The following FOXP1 variants were observed in gnomAD, a reference collection of about 807,000 sequenced individuals.
FOXP1 encodes forkhead box P1.
FOXP1 carries 15 observed loss-of-function variants against 98.2 expected under a neutral mutation model. The observed-to-expected ratio is 0.15, with a 90% CI of 0.10 to 0.24. The LOEUF (loss-of-function observed/expected upper bound fraction) is 0.24. FOXP1 is among the 10% of genes least tolerant of loss of function. The probability of loss-of-function intolerance (pLI) is 1.00; values close to 1 mark genes in which losing one functional copy is unlikely to be tolerated. For synonymous variants in FOXP1, 371 were observed against 314.5 expected (o/e 1.18, Z -1.90); for missense variants, 633 against 848.5 (o/e 0.75, Z 3.15).
intron 7 of FOXP1, among the ~76,000 whole-genome samples, chr3:71,059,958 T>C (rs1272316689): frequency 6.6e-6 from 1 of 152,264 alleles, no homozygotes; most frequent in South Asian, 2.1e-4. Flanking sequence ...AGATAACTTG[T>C]GGATACAGTT....
chr3:70,999,183 G>A (rs557848421), intron 13 of FOXP1, among the ~76,000 whole-genome samples: 2 of 152,096 alleles, frequency 1.3e-5, no homozygotes, highest in East Asian at 1.9e-4. Flanking sequence ...TCTACCTCCC[G>A]GGTTCAAGCA....
chr3:71,562,560 C>G (rs892072943), intron 2 of FOXP1, among the ~76,000 whole-genome samples: 1 of 152,122 alleles, frequency 6.6e-6, no homozygotes, highest in African/African-American at 2.4e-5. Flanking sequence ...TGACCTTTCA[C>G]TGAGGGCTTA....
intron 3 of FOXP1, among the ~76,000 whole-genome samples, chr3:71,381,795 C>T (rs528256563): frequency 6.3e-4 from 96 of 152,178 alleles, no homozygotes; most frequent in Non-Finnish European, 1.1e-3. Flanking sequence ...CTAAGCACTC[C>T]TACCAACATA....
At position 71,256,312 on chromosome 3, in the gene FOXP1, G is replaced by C. The variant is rs750649455; in HGVS notation, c.-12+43508C>G. 1.9e-4 allele frequency among the ~76,000 whole-genome samples: 29 copies of C among 152,128 alleles called. 1 individual carries two copies. The highest frequency in any genetic ancestry group is 1.5e-4 in the Non-Finnish European group (10 of 68,012). Reference sequence around the variant, plus strand: ...ACTCCACTATTCCTGTAGAGCTCAGGGACAGCAGGGGTTTGTTGAATTTGG... The same window carrying C: ...ACTCCACTATTCCTGTAGAGCTCAGCGACAGCAGGGGTTTGTTGAATTTGG... On this transcript the variant is annotated intron_variant, in intron 5 of 20. Transcript: ENST00000649528.
chr3:71,026,429 C>G (rs907072393), intron 11 of FOXP1, among the ~76,000 whole-genome samples: 1 of 152,164 alleles, frequency 6.6e-6, no homozygotes, highest in Non-Finnish European at 1.5e-5. Context: ...AGTAGCAAGT[C>G]TCTGAAGACG....
rs117984603 is a variant in FOXP1 at position 71,152,283 on chromosome 3, G to A, written c.181-39646C>T. On this transcript the variant is annotated intron_variant, in intron 6 of 20. Coordinates refer to ENST00000649528, the MANE Select transcript of FOXP1 (RefSeq NM_001349338.3). ...CACCAACAGTTAGTGAGTTTGGAAG[G>A]GGATCCCAAGCCTCAGGTGGGACCA... Among the ~76,000 whole-genome samples the A allele has an allele frequency of 7.3e-4, 111 of 152,292 alleles. 1 individual carries two copies. In the East Asian group the frequency reaches 0.02, roughly 27 times the overall value.
At chr3:71,516,414 T>C (rs1416582601) in intron 2 of FOXP1, among the ~76,000 whole-genome samples, 1 of 152,234 alleles carries the variant, frequency 6.6e-6, no homozygotes, top group African/African-American at 2.4e-5. Flanking sequence ...TCTTGCATTA[T>C]TCTTGCAACT....
intron 2 of FOXP1, among the ~76,000 whole-genome samples, chr3:71,495,722 T>C (rs1039372655): frequency 7.9e-5 from 12 of 152,190 alleles, no homozygotes; most frequent in Non-Finnish European, 1.5e-4. Context: ...TCTATAAAGC[T>C]TGTGCCCATG....
intron 4 of FOXP1, among the ~76,000 whole-genome samples, chr3:71,328,530 G>C (rs143367828): frequency 1.3e-5 from 2 of 152,340 alleles, no homozygotes; most frequent in South Asian, 2.1e-4. Flanking sequence ...CACAATGTGT[G>C]ACTTTTCTGG....
intron 3 of FOXP1, among the ~76,000 whole-genome samples, chr3:71,412,782 C>T (rs1042396498): frequency 3.3e-5 from 5 of 152,120 alleles, no homozygotes; most frequent in Non-Finnish European, 5.9e-5. Flanking sequence ...CCCTGGGAAC[C>T]CAGGCACCAA....
intron 9 of FOXP1, among the ~76,000 whole-genome samples, chr3:71,050,320 C>T (rs571575427): frequency 1.3e-5 from 2 of 152,248 alleles, no homozygotes; most frequent in South Asian, 2.1e-4. Flanking sequence ...AGCATGCAGA[C>T]GTGCATTCCA....
At chr3:70,984,671 T>C (rs2039430491) in intron 14 of FOXP1, among the ~76,000 whole-genome samples, 2 of 152,130 alleles carry the variant, frequency 1.3e-5, no homozygotes, top group Admixed American at 1.3e-4. Flanking sequence ...CCTTGAGTCT[T>C]TGGTTTTGTT....
chr3:71,509,301 T>G (rs1047240083), intron 2 of FOXP1, among the ~76,000 whole-genome samples: 1 of 152,136 alleles, frequency 6.6e-6, no homozygotes, highest in Non-Finnish European at 1.5e-5. Flanking sequence ...AAGTCGAAGA[T>G]CAAGGTATCC....
intron 3 of FOXP1, among the ~76,000 whole-genome samples, chr3:71,432,208 C>T (rs1007531175): frequency 2.6e-5 from 4 of 152,244 alleles, no homozygotes; most frequent in Non-Finnish European, 5.9e-5. Context: ...CCACTGACGA[C>T]TGTGGTGTGC....
chr3:71,174,915 G>T (rs1879770), intron 6 of FOXP1, among the ~76,000 whole-genome samples: 2,009 of 137,022 alleles, frequency 0.015, 51 homozygotes, highest in African/African-American at 0.05. Flanking sequence ...GTACATAAAT[G>T]TTTTTTTTTT....
intron 4 of FOXP1, among the ~76,000 whole-genome samples, chr3:71,314,530 A>ATATATATATATATATATATATATAT (rs1553839965): frequency 7.0e-6 from 1 of 143,368 alleles, no homozygotes; most frequent in African/African-American, 2.5e-5. Context: ...CCGTCTAAAA[A>ATATATATATATATATATATATATAT]ATATATATAT....
chr3:71,247,642 A>C (rs1396376097), intron 5 of FOXP1, among the ~76,000 whole-genome samples: 1 of 152,196 alleles, frequency 6.6e-6, no homozygotes, highest in African/African-American at 2.4e-5. Context: ...ATGGTAGTGG[A>C]TATCTGTTGT....
At chr3:71,154,400 C>T (rs764564178) in intron 6 of FOXP1, among the ~76,000 whole-genome samples, 12 of 152,218 alleles carry the variant, frequency 7.9e-5, no homozygotes, top group Non-Finnish European at 1.5e-4. Flanking sequence ...TCAACGTATT[C>T]CTTAAGGAAA....
At chr3:71,158,886 C>G (rs1045549202) in intron 6 of FOXP1, among the ~76,000 whole-genome samples, 1 of 151,988 alleles carries the variant, frequency 6.6e-6, no homozygotes, top group Non-Finnish European at 1.5e-5. Flanking sequence ...TGGGTCATCA[C>G]TTGAGCCCAG....
Sources: allele counts gnomAD v4.1 joint callset (sites outside exome capture counted in the v4.1 genomes callset), GRCh38; gene constraint gnomAD v4.1.1; transcripts MANE v1.5; gene names NCBI Gene and HGNC (gene_info 2026-07-23, HGNC 2026-07-21).